The following FAM20B variants were observed in gnomAD, a reference collection of about 807,000 sequenced individuals.
The protein encoded by FAM20B is glycosaminoglycan xylosylkinase.
FAM20B carries 23 observed loss-of-function variants against 43.8 expected under a neutral mutation model. That is an observed-to-expected ratio of 0.53 (90% CI 0.38 to 0.74). FAM20B has a LOEUF of 0.74. Among genes scored for constraint, FAM20B ranks in the 30% least tolerant of loss-of-function variants. The pLI, the probability that FAM20B is intolerant of heterozygous loss-of-function variation, is 0.00. For missense variants in FAM20B, 440 were observed against 510.5 expected (o/e 0.86, Z 1.33); for synonymous variants, 178 against 192.4 (o/e 0.93, Z 0.62).
intron 1 of FAM20B, among the ~76,000 whole-genome samples, chr1:179,035,957 C>G (rs1650211242): frequency 6.6e-6 from 1 of 151,974 alleles, no homozygotes; most frequent in Admixed American, 6.6e-5. Context: ...TGGAGAAACC[C>G]CGTCTCTACT....
chr1:179,034,030 G>A (rs929805145), intron 1 of FAM20B, among the ~76,000 whole-genome samples: 23 of 152,100 alleles, frequency 1.5e-4, no homozygotes, highest in African/African-American at 5.6e-4. Context: ...CTGGTCTCAC[G>A]TGTTCCTGCT....
At chr1:179,047,623 G>A (rs1271124427) in intron 2 of FAM20B, among the ~76,000 whole-genome samples, 1 of 152,202 alleles carries the variant, frequency 6.6e-6, no homozygotes, top group Non-Finnish European at 1.5e-5. Context: ...CTTAGTCACT[G>A]CACATACTGA....
In FAM20B at chr1:179,064,056, G is replaced by A. The variant is rs371774703; in HGVS notation, c.704G>A (p.Arg235His). 2.6e-5 allele frequency: 42 copies of A among 1,613,812 alleles called. No homozygotes were observed. The highest frequency in any genetic ancestry group is 8.0e-5 in the African/African-American group (6 of 74,876). The change falls in exon 5 of 8, where the codon CGT becomes CAT. Residue 235 changes from arginine to histidine, a missense_variant. Arg to His is a conservative substitution (Grantham distance 29, BLOSUM62 0). Transcript: ENST00000263733. ...GATGTGTGGCCTCTGCAGAAGCACC[G>A]TCACCCATGGGGCAGGACTTACCGA... ...LPDVWPLQKHRHPWGRTYREG... is the reference protein window; with the variant it reads ...LPDVWPLQKHHHPWGRTYREG...
In FAM20B at chr1:179,072,426, A is replaced by G. The variant is rs1195145632; in HGVS notation, c.*282A>G. 2.0e-5 allele frequency: 8 copies of G among 398,990 alleles called. No homozygotes were observed. Among genetic ancestry groups the G allele is most frequent in the African/African-American group, 1.4e-4 (7 of 49,782 alleles). The allele number at this position is 398,990 out of a possible 1,614,324, so 24.7% of individuals were successfully genotyped here. ...TTGGTCAGTCTTAATTCCCATGCCA[A>G]AGGACAAACAGGTGTGACATTTGGA... On this transcript the variant is annotated 3_prime_UTR_variant, in exon 8 of 8. Transcript: ENST00000263733.
intron 2 of FAM20B, among the ~76,000 whole-genome samples, chr1:179,045,871 G>A (rs1426894430): frequency 1.3e-5 from 2 of 151,338 alleles, no homozygotes; most frequent in Admixed American, 1.3e-4. Context: ...TCCAGCCTGG[G>A]TGACAGAGTG....
At chr1:179,058,156 C>A (rs1223537169) in intron 4 of FAM20B, among the ~76,000 whole-genome samples, 1 of 152,050 alleles carries the variant, frequency 6.6e-6, no homozygotes, top group Non-Finnish European at 1.5e-5. Flanking sequence ...GTAATATGTG[C>A]TTTGTTATTT....
the FAM20B span, among the ~76,000 whole-genome samples, chr1:179,019,058 C>A: frequency 6.6e-6 from 1 of 152,180 alleles, no homozygotes; most frequent in East Asian, 1.9e-4. Flanking sequence ...TCTGTTTATA[C>A]CCTGAACAGA....
intron 7 of FAM20B, among the ~76,000 whole-genome samples, chr1:179,068,396 T>A (rs1263667538): frequency 1.3e-5 from 2 of 152,166 alleles, no homozygotes; most frequent in Non-Finnish European, 1.5e-5. Context: ...AATCAGGAGA[T>A]AGCAAAGACA....
intron 4 of FAM20B, among the ~76,000 whole-genome samples, chr1:179,056,342 T>A (rs765373155): frequency 1.8e-4 from 28 of 152,270 alleles, no homozygotes; most frequent in Non-Finnish European, 1.5e-5. Flanking sequence ...ATCTTTTTAC[T>A]GTCTGCATAA....
At chr1:179,065,160 A>C (rs1327612454) in intron 6 of FAM20B, among the ~76,000 whole-genome samples, 3 of 147,094 alleles carry the variant, frequency 2.0e-5, no homozygotes, top group Non-Finnish European at 4.5e-5. Flanking sequence ...TTTTTTTTTA[A>C]GTTTTTTTGA....
At chr1:179,020,190 CA>C in the FAM20B span, among the ~76,000 whole-genome samples, 6 of 137,126 alleles carry the variant, frequency 4.4e-5, no homozygotes, top group African/African-American at 1.7e-4. Context: ...CACACACACA[CA>C]CACACTTAAA....
At chr1:179,031,353 C>T (rs1164692589) in intron 1 of FAM20B, among the ~76,000 whole-genome samples, 1 of 152,098 alleles carries the variant, frequency 6.6e-6, no homozygotes, top group Admixed American at 6.6e-5. Context: ...AAGATTACTG[C>T]GTGTGTTGGT....
At chr1:179,069,617 C>T (rs562315450) in intron 7 of FAM20B, among the ~76,000 whole-genome samples, 2 of 152,286 alleles carry the variant, frequency 1.3e-5, no homozygotes, top group Admixed American at 6.5e-5. Context: ...GGTGATCCGT[C>T]CGCCTTGGCC....
intron 4 of FAM20B, among the ~76,000 whole-genome samples, chr1:179,056,796 G>C (rs1651237167): frequency 1.3e-5 from 2 of 152,102 alleles, no homozygotes; most frequent in Non-Finnish European, 2.9e-5. Flanking sequence ...GGCAGCATTT[G>C]ATGTTGTCAT....
upstream of FAM20B, among the ~76,000 whole-genome samples, chr1:179,025,573 GA>G (rs1193905167): frequency 6.6e-6 from 1 of 151,870 alleles, no homozygotes; most frequent in African/African-American, 2.4e-5. Flanking sequence ...AGAAAAGCAG[GA>G]AAGAAAAAGA....
intron 1 of FAM20B, among the ~76,000 whole-genome samples, chr1:179,030,336 C>G (rs949447762): frequency 1.3e-5 from 2 of 151,828 alleles, no homozygotes; most frequent in Admixed American, 1.3e-4. Flanking sequence ...GAAGTACTTA[C>G]TCGTGTGGGT....
At chr1:179,037,248 G>T (rs77328074) in intron 1 of FAM20B, among the ~76,000 whole-genome samples, 2,216 of 152,262 alleles carry the variant, frequency 0.015, 43 homozygotes, top group African/African-American at 0.048. Flanking sequence ...ACTGAAGTTG[G>T]TGGCTGTGGA....
the FAM20B span, among the ~76,000 whole-genome samples, chr1:179,017,833 AG>A: frequency 6.6e-6 from 1 of 152,264 alleles, no homozygotes; most frequent in Non-Finnish European, 1.5e-5. Flanking sequence ...TCAAAGACAT[AG>A]GGTTAATTAT....
rs542537139 is a variant in FAM20B, at chr1:179,033,762, G to A, written c.-134+7664G>A. Among the ~76,000 whole-genome samples the A allele has an allele frequency of 2.6e-5, 4 of 151,954 alleles. No homozygotes were observed. The South Asian group carries it at 8.3e-4, about 32-fold the overall frequency. ...GGCTGGAGTGTAGTGGCGTGATGTC[G>A]GCTCACTGCAACCTCCGCCTCCTGG... On this transcript the variant is annotated intron_variant, in intron 1 of 7. Coordinates refer to ENST00000263733, the MANE Select transcript of FAM20B (RefSeq NM_014864.4).
Sources: allele counts gnomAD v4.1 joint callset (sites outside exome capture counted in the v4.1 genomes callset), GRCh38; gene constraint gnomAD v4.1.1; transcripts MANE v1.5; gene names NCBI Gene and HGNC (gene_info 2026-07-23, HGNC 2026-07-21).